The following SEMA5A variants were observed in gnomAD, a reference collection of about 807,000 sequenced individuals.
SEMA5A encodes semaphorin-5A.
Under a neutral mutation model 135.5 loss-of-function variants are expected in SEMA5A, and 55 were observed. That is an observed-to-expected ratio of 0.41 (90% confidence interval 0.33 to 0.51). SEMA5A has a LOEUF of 0.51. Among genes scored for constraint, SEMA5A ranks in the 20% least tolerant of loss-of-function variants. The pLI is 0.37. For synonymous variants in SEMA5A, 580 were observed against 546.5 expected, an observed-to-expected ratio of 1.06 and a Z score of -0.85; for missense variants, 1,290 against 1,419.9, an observed-to-expected ratio of 0.91 and a Z score of 1.47.
chr5:9,230,769 T>A (rs570579462), intron 6 of SEMA5A, among the ~76,000 whole-genome samples: 1 of 152,172 alleles, frequency 6.6e-6, no homozygotes, highest in South Asian at 2.1e-4. Flanking sequence ...AGGGTAGTAG[T>A]GTAGTTGGCC....
At chr5:9,337,272 C>G (rs1225064967) in intron 4 of SEMA5A, among the ~76,000 whole-genome samples, 1 of 152,160 alleles carries the variant, frequency 6.6e-6, no homozygotes, top group African/African-American at 2.4e-5. Context: ...TCTCTAGAAT[C>G]CTACTGAAGA....
At chr5:9,110,085 T>C (rs780717601) in intron 15 of SEMA5A, among the ~76,000 whole-genome samples, 1 of 151,736 alleles carries the variant, frequency 6.6e-6, no homozygotes, top group Non-Finnish European at 1.5e-5. Flanking sequence ...TTTTGGAAAA[T>C]AATGGAAGGT....
At chr5:9,087,215 G>A (rs1245929454) in intron 16 of SEMA5A, among the ~76,000 whole-genome samples, 5 of 152,172 alleles carry the variant, frequency 3.3e-5, no homozygotes, top group Non-Finnish European at 5.9e-5. Flanking sequence ...TTACCGACAT[G>A]GCTGTTTTCA....
At chr5:9,310,648 T>TTA (rs1383086214) in intron 5 of SEMA5A, among the ~76,000 whole-genome samples, 11 of 151,788 alleles carry the variant, frequency 7.2e-5, no homozygotes, top group Non-Finnish European at 1.2e-4. Flanking sequence ...GGTAGTTATA[T>TTA]TATAGTGTTA....
chr5:9,056,670 T>C (rs1736910954), intron 18 of SEMA5A, among the ~76,000 whole-genome samples: 1 of 152,204 alleles, frequency 6.6e-6, no homozygotes, highest in Admixed American at 6.5e-5. Context: ...TGCGGTGAGC[T>C]GAGATGGTGC....
intron 1 of SEMA5A, among the ~76,000 whole-genome samples, chr5:9,461,091 G>T (rs1248763859): frequency 6.6e-6 from 1 of 152,100 alleles, no homozygotes; most frequent in African/African-American, 2.4e-5. Context: ...TCATGGAAAC[G>T]CCTCTTTCCT....
chr5:9,280,068 G>C (rs1357106474), intron 5 of SEMA5A, among the ~76,000 whole-genome samples: 1 of 152,106 alleles, frequency 6.6e-6, no homozygotes, highest in Non-Finnish European at 1.5e-5. Flanking sequence ...GGATTTTAGA[G>C]CAATTTCTTT....
At chr5:9,083,083 A>G (rs565410680) in intron 16 of SEMA5A, among the ~76,000 whole-genome samples, 7 of 152,226 alleles carry the variant, frequency 4.6e-5, no homozygotes, top group Non-Finnish European at 7.3e-5. Context: ...ACATTTATTT[A>G]ATCTAAAGTT....
At chr5:9,360,055 C>A (rs1032648872) in intron 3 of SEMA5A, among the ~76,000 whole-genome samples, 1 of 152,182 alleles carries the variant, frequency 6.6e-6, no homozygotes, top group African/African-American at 2.4e-5. Flanking sequence ...AGAATTTCAA[C>A]TGTGACATTA....
At chr5:9,056,576 G>A (rs1217253919) in intron 18 of SEMA5A, among the ~76,000 whole-genome samples, 1 of 152,154 alleles carries the variant, frequency 6.6e-6, no homozygotes, top group Non-Finnish European at 1.5e-5. Context: ...ACAAAAATTA[G>A]CTGTGCATGT....
intron 2 of SEMA5A, among the ~76,000 whole-genome samples, chr5:9,418,099 C>G (rs917220569): frequency 1.3e-5 from 2 of 152,084 alleles, no homozygotes; most frequent in African/African-American, 4.8e-5. Context: ...GCCTCAGCCT[C>G]CCGAGTAGCT....
chr5:9,469,698 G>A (rs1759404274), intron 1 of SEMA5A, among the ~76,000 whole-genome samples: 1 of 152,158 alleles, frequency 6.6e-6, no homozygotes, highest in Non-Finnish European at 1.5e-5. Flanking sequence ...GAATGTTTTT[G>A]TTCATGATTT....
In SEMA5A at chr5:9,406,482, A is replaced by G. The variant is rs149307228; in HGVS notation, c.-77-26459T>C. 3.8e-4 allele frequency among the ~76,000 whole-genome samples: 58 copies of G among 152,342 alleles called. No homozygotes were observed. In the East Asian group the frequency reaches 0.011, roughly 29 times the overall value. On this transcript the variant is annotated intron_variant, in intron 2 of 22. Transcript: ENST00000382496. The stretch of plus-strand genomic sequence containing the variant: ...TTTCTGCTTTGGGAAAAAACCAGCA[A>G]CACTGATTTTATCTTTAATAAAAGG...
chr5:9,214,675 T>C (rs1323467057), intron 8 of SEMA5A, among the ~76,000 whole-genome samples: 1 of 152,196 alleles, frequency 6.6e-6, no homozygotes. Flanking sequence ...TCTGAAACTC[T>C]GGGTCCTGGG....
Position 9,051,891 on chromosome 5 carries a change from CAA to C in SEMA5A, c.2825_2826del (p.Phe942Ter). On this transcript the variant is annotated frameshift_variant, in exon 20 of 23. Transcript: ENST00000382496. LOFTEE classifies it high-confidence loss of function. ...GNTTESRPCVFDSNFIPEVSV... is the reference protein window; with the variant it reads ...GNTTESRPCVXDSNFIPEVSV... The stretch of plus-strand genomic sequence containing the variant: ...CTCTTACCTGGGATGAAATTAGAGT[CAA>C]ACACACACGGCCGGCTCTCCGTGGT... 1 of 1,614,136 alleles carries C rather than the reference CAA, an allele frequency of 6.2e-7. No homozygotes were observed. Among genetic ancestry groups the C allele is most frequent in the South Asian group, 1.1e-5 (1 of 91,070 alleles).
intron 12 of SEMA5A, among the ~76,000 whole-genome samples, chr5:9,143,716 G>A (rs924783706): frequency 6.6e-6 from 1 of 152,160 alleles, no homozygotes; most frequent in Non-Finnish European, 1.5e-5. Context: ...TAGGACTTGT[G>A]ATTAACTTGG....
intron 12 of SEMA5A, among the ~76,000 whole-genome samples, chr5:9,154,058 AAAAAAT>A (rs1416076777): frequency 6.0e-4 from 31 of 51,570 alleles, no homozygotes; most frequent in Non-Finnish European, 9.9e-4. Context: ...AAAAAAAAAA[AAAAAAT>A]ATATATATAT....
chr5:9,463,019 T>C (rs1429279793), intron 1 of SEMA5A, among the ~76,000 whole-genome samples: 1 of 150,044 alleles, frequency 6.7e-6, no homozygotes, highest in African/African-American at 2.4e-5. Context: ...AAGAACTCCC[T>C]GGGACATGAA....
intron 1 of SEMA5A, among the ~76,000 whole-genome samples, chr5:9,477,162 C>G (rs1046032032): frequency 5.3e-5 from 8 of 152,050 alleles, no homozygotes; most frequent in Admixed American, 4.6e-4. Flanking sequence ...CCTCTTTTCC[C>G]CTTCATCTTC....
Sources: allele counts gnomAD v4.1 joint callset (sites outside exome capture counted in the v4.1 genomes callset), GRCh38; gene constraint gnomAD v4.1.1; transcripts MANE v1.5; gene names NCBI Gene and HGNC (gene_info 2026-07-23, HGNC 2026-07-21).